Variants in ROBO2 observed in about 807,000 individuals in gnomAD.
The protein encoded by ROBO2 is roundabout homolog 2.
ROBO2 carries 53 observed loss-of-function variants against 160.8 expected under a neutral mutation model. That is an observed-to-expected ratio of 0.33 (90% CI 0.26 to 0.41). The LOEUF is 0.41. Among genes scored for constraint, ROBO2 ranks in the 10% least tolerant of loss-of-function variants. The pLI, the probability that ROBO2 is intolerant of heterozygous loss-of-function variation, is 1.00. For synonymous variants in ROBO2, 664 were observed against 611.7 expected, an observed-to-expected ratio of 1.09 and a Z score of -1.26; for missense variants, 1,577 against 1,722.4, an observed-to-expected ratio of 0.92 and a Z score of 1.49.
At chr3:77,444,521 G>C (rs1175222102) in intron 2 of ROBO2, among the ~76,000 whole-genome samples, 2 of 152,048 alleles carry the variant, frequency 1.3e-5, no homozygotes, top group Non-Finnish European at 2.9e-5. Flanking sequence ...TTTGCCCTTT[G>C]ACAGATAATT....
At chr3:76,223,247 G>T (rs1237983559) in intron 2 of ROBO2, among the ~76,000 whole-genome samples, 1 of 151,922 alleles carries the variant, frequency 6.6e-6, no homozygotes, top group Non-Finnish European at 1.5e-5. Context: ...ATGATTAATT[G>T]GTAGATCCTG....
rs142868087 is a variant in ROBO2, at chr3:76,090,229, G to A, written c.109+152627G>A. Reference sequence around the variant, plus strand: ...TAATCCCAACACTTTGGGAAATTGAGGCGGGCAGATCACCTGAGGTCAGGG... The same window carrying A: ...TAATCCCAACACTTTGGGAAATTGAAGCGGGCAGATCACCTGAGGTCAGGG... On this transcript the variant is annotated intron_variant, in intron 2 of 26. Transcript: ENST00000487694. Among the ~76,000 whole-genome samples the A allele has an allele frequency of 1.6e-4, 25 of 152,236 alleles. 1 individual carries two copies. The highest frequency in any genetic ancestry group is 6.0e-4 in the African/African-American group (25 of 41,560).
intron 2 of ROBO2, among the ~76,000 whole-genome samples, chr3:76,987,286 A>G (rs959052503): frequency 6.6e-6 from 1 of 152,186 alleles, no homozygotes; most frequent in African/African-American, 2.4e-5. Context: ...GCCTTTTACA[A>G]AGAACATGCT....
chr3:76,603,866 A>G (rs1382124637), intron 2 of ROBO2, among the ~76,000 whole-genome samples: 1 of 152,162 alleles, frequency 6.6e-6, no homozygotes, highest in Non-Finnish European at 1.5e-5. Context: ...GTTTCCTGTC[A>G]AAATTAAATA....
At chr3:76,873,922 A>G (rs1043855894) in intron 2 of ROBO2, among the ~76,000 whole-genome samples, 2 of 152,116 alleles carry the variant, frequency 1.3e-5, no homozygotes, top group Non-Finnish European at 2.9e-5. Flanking sequence ...CCTCCTCCTA[A>G]TTTGATTATT....
chr3:76,828,464 A>G (rs570820696), intron 2 of ROBO2, among the ~76,000 whole-genome samples: 1 of 152,150 alleles, frequency 6.6e-6, no homozygotes, highest in Non-Finnish European at 1.5e-5. Flanking sequence ...GCACAAACTT[A>G]ATGCTCATTG....
intron 2 of ROBO2, among the ~76,000 whole-genome samples, chr3:76,748,624 TAAAGAC>T (rs1031884441): frequency 1.3e-5 from 2 of 151,786 alleles, no homozygotes; most frequent in African/African-American, 4.8e-5. Flanking sequence ...AAATGGGACT[TAAAGAC>T]AAATTAAAAC....
chr3:77,238,360 A>G (rs1461525853), intron 2 of ROBO2, among the ~76,000 whole-genome samples: 3 of 152,044 alleles, frequency 2.0e-5, no homozygotes, highest in African/African-American at 7.2e-5. Context: ...TTATATTTTT[A>G]TGTTTTACAT....
intron 2 of ROBO2, among the ~76,000 whole-genome samples, chr3:77,134,904 G>A (rs1307517460): frequency 6.6e-6 from 1 of 152,172 alleles, no homozygotes; most frequent in African/African-American, 2.4e-5. Context: ...GGATCATAGT[G>A]ATTATGATAA....
intron 2 of ROBO2, among the ~76,000 whole-genome samples, chr3:76,299,039 A>G (rs763424847): frequency 1.2e-4 from 18 of 152,212 alleles, no homozygotes; most frequent in Non-Finnish European, 2.2e-4. Flanking sequence ...GAGCTCTTTC[A>G]GCGTGTTAGG....
At chr3:77,252,502 A>G (rs916888449) in intron 2 of ROBO2, among the ~76,000 whole-genome samples, 4 of 152,062 alleles carry the variant, frequency 2.6e-5, no homozygotes, top group African/African-American at 9.7e-5. Flanking sequence ...AGCATTTTAT[A>G]TATCATTATT....
chr3:77,393,670 G>T (rs1026067186), intron 2 of ROBO2, among the ~76,000 whole-genome samples: 1 of 150,314 alleles, frequency 6.7e-6, no homozygotes, highest in Non-Finnish European at 1.5e-5. Context: ...ACATAGTTCA[G>T]GATATTCATA....
chr3:76,623,478 C>A (rs191309574), intron 2 of ROBO2, among the ~76,000 whole-genome samples: 18 of 152,250 alleles, frequency 1.2e-4, no homozygotes, highest in Admixed American at 2.0e-4. Context: ...CTAATACAGA[C>A]GGAAGCATCC....
At chr3:76,018,202 G>T (rs1195543306) in intron 2 of ROBO2, among the ~76,000 whole-genome samples, 1 of 151,804 alleles carries the variant, frequency 6.6e-6, no homozygotes, top group Non-Finnish European at 1.5e-5. Context: ...CTCAAAATTG[G>T]CCTCAAAAAT....
chr3:77,515,780 A>G (rs1258614782), intron 5 of ROBO2, among the ~76,000 whole-genome samples: 1 of 151,724 alleles, frequency 6.6e-6, no homozygotes, highest in Non-Finnish European at 1.5e-5. Context: ...TTGCGCCAGA[A>G]GACTTAGATT....
In ROBO2 at chr3:76,411,194, C is replaced by T. The variant is rs564975624; in HGVS notation, c.109+473592C>T. On this transcript the variant is annotated intron_variant, in intron 2 of 26. Coordinates refer to the ROBO2 transcript ENST00000487694. ...GCTTATAGGCTGAATTATAGAATTC[C>T]GAATGACCAGACAGAACCTTGACGT... Among the ~76,000 whole-genome samples, 49 of 151,942 alleles carry T rather than the reference C, an allele frequency of 3.2e-4. 1 individual carries two copies. Among genetic ancestry groups the T allele is most frequent in the South Asian group, 2.1e-3 (10 of 4,804 alleles).
chr3:77,294,139 T>G (rs2061697850), intron 2 of ROBO2, among the ~76,000 whole-genome samples: 1 of 142,822 alleles, frequency 7.0e-6, no homozygotes, highest in African/African-American at 2.7e-5. Context: ...AGACATAAAG[T>G]AAAATTGATG....
chr3:77,061,964 T>G (rs1260105000), intron 1 of ROBO2, among the ~76,000 whole-genome samples: 2 of 152,138 alleles, frequency 1.3e-5, no homozygotes, highest in African/African-American at 4.8e-5. Flanking sequence ...TTTTTTTCCC[T>G]TTGAGGTGAG....
At chr3:75,985,251 C>T (rs146635833) in intron 2 of ROBO2, among the ~76,000 whole-genome samples, 3 of 151,292 alleles carry the variant, frequency 2.0e-5, no homozygotes, top group Non-Finnish European at 4.4e-5. Context: ...GGCCAATATC[C>T]GTAAGTGAAG....
Sources: gnomAD v4.1 joint callset for allele counts (sites outside exome capture counted in the v4.1 genomes callset) on GRCh38, gnomAD v4.1.1 for gene constraint, MANE v1.5 for transcripts, NCBI Gene and HGNC (gene_info 2026-07-23, HGNC 2026-07-21) for gene names.